TTLL5: variants seen among roughly 807,000 people sequenced by gnomAD.
TTLL5 encodes the protein tubulin tyrosine ligase like 5, also known as tubulin polyglutamylase TTLL5.
In TTLL5, 132 loss-of-function variants were observed where a neutral mutation model predicts 168.4. The ratio of observed to expected loss-of-function variants is 0.78; its 90% CI spans 0.68 to 0.91. TTLL5 has a LOEUF of 0.91. TTLL5 is among the 40% of genes least tolerant of loss of function. The probability of loss-of-function intolerance (pLI) is 0.00; values close to 1 mark genes in which losing one functional copy is unlikely to be tolerated. For synonymous variants in TTLL5, 546 were observed against 558.6 expected, an observed-to-expected ratio of 0.98 and a Z score of 0.32; for missense variants, 1,545 against 1,581.5, an observed-to-expected ratio of 0.98 and a Z score of 0.39.
At chr14:75,873,407 C>T (rs1285284878) in intron 29 of TTLL5, among the ~76,000 whole-genome samples, 5 of 152,146 alleles carry the variant, frequency 3.3e-5, no homozygotes, top group African/African-American at 7.2e-5. Flanking sequence ...TGACTGAAAC[C>T]GTACTCATTG....
chr14:75,682,743 ATTTTGAGGAAGTT>A (rs1884718779), intron 4 of TTLL5, among the ~76,000 whole-genome samples: 1 of 151,422 alleles, frequency 6.6e-6, no homozygotes, highest in Admixed American at 6.6e-5. Flanking sequence ...TGTAAGAGAC[ATTTTGAGGAAGTT>A]TTTTTTTTTT....
intron 18 of TTLL5, among the ~76,000 whole-genome samples, chr14:75,762,440 A>G (rs908602708): frequency 1.3e-5 from 2 of 152,226 alleles, no homozygotes; most frequent in African/African-American, 4.8e-5. Context: ...AATGAAAAAG[A>G]TGTAGCTAAA....
intron 21 of TTLL5, among the ~76,000 whole-genome samples, chr14:75,772,202 A>G (rs190688365): frequency 2.4e-4 from 37 of 152,232 alleles, no homozygotes; most frequent in African/African-American, 8.2e-4. Context: ...TTCTCAAGCA[A>G]CCTCACATTA....
chr14:75,946,382 C>T (rs2034773118), intron 31 of TTLL5, among the ~76,000 whole-genome samples: 2 of 152,022 alleles, frequency 1.3e-5, no homozygotes, highest in Admixed American at 6.5e-5. Flanking sequence ...AAATAGAAAA[C>T]TTCCAAAGTA....
At chr14:75,745,361 T>A in intron 16 of TTLL5, 129 bp from the exon 17 acceptor site, 1 of 1,199,772 alleles carries the variant, frequency 8.3e-7, no homozygotes, top group Non-Finnish European at 1.2e-6. Context: ...AAGAACATTT[T>A]AAATGGAATT....
At chr14:75,912,909 G>A (rs1166294163) in intron 31 of TTLL5, among the ~76,000 whole-genome samples, 1 of 152,134 alleles carries the variant, frequency 6.6e-6, no homozygotes, top group Admixed American at 6.5e-5. Context: ...GTTTTGTGAG[G>A]GGACAAAAGG....
chr14:75,781,539 A>G (rs1025917118), intron 24 of TTLL5, among the ~76,000 whole-genome samples: 1 of 152,232 alleles, frequency 6.6e-6, no homozygotes, highest in African/African-American at 2.4e-5. Context: ...ATATTTTTAT[A>G]TATGATTAGC....
chr14:75,719,603 A>C (rs781265768), intron 10 of TTLL5, 132 bp from the exon 11 acceptor site: 1 of 649,402 alleles, frequency 1.5e-6, no homozygotes, highest in Non-Finnish European at 2.5e-6. Context: ...AGAAAAAATG[A>C]GTAACTGGAA....
At chr14:75,872,608 A>G (rs1383881515) in intron 29 of TTLL5, among the ~76,000 whole-genome samples, 1 of 152,156 alleles carries the variant, frequency 6.6e-6, no homozygotes, top group Non-Finnish European at 1.5e-5. Context: ...TGCCTGACCC[A>G]TGATAAAAGG....
chr14:75,952,077 T>C (rs1325634590), intron 31 of TTLL5, among the ~76,000 whole-genome samples: 1 of 152,088 alleles, frequency 6.6e-6, no homozygotes, highest in Non-Finnish European at 1.5e-5. Context: ...ACAGAGCGCT[T>C]ACAATTCAAT....
At chr14:75,740,826 T>A (rs1346822264) in intron 15 of TTLL5, among the ~76,000 whole-genome samples, 4 of 152,220 alleles carry the variant, frequency 2.6e-5, no homozygotes, top group Non-Finnish European at 5.9e-5. Flanking sequence ...TAAATTGAGC[T>A]ATTTCTAGTT....
intron 28 of TTLL5, among the ~76,000 whole-genome samples, chr14:75,843,768 A>C (rs185151760): frequency 3.5e-4 from 54 of 152,256 alleles, no homozygotes; most frequent in Middle Eastern, 6.8e-3. Context: ...TGTGGCATAC[A>C]ACTGAAATGG....
At chr14:75,693,899 A>T (rs1332654165) in intron 6 of TTLL5, among the ~76,000 whole-genome samples, 4 of 152,252 alleles carry the variant, frequency 2.6e-5, no homozygotes, top group African/African-American at 7.2e-5. Context: ...TTAGAATTAT[A>T]AGAGATCTTA....
At chr14:75,755,895 C>T (rs1357606093) in intron 18 of TTLL5, among the ~76,000 whole-genome samples, 1 of 152,040 alleles carries the variant, frequency 6.6e-6, no homozygotes, top group Non-Finnish European at 1.5e-5. Flanking sequence ...CCCGACCTAC[C>T]CACTCTGTTC....
chr14:75,663,791 G>C (rs1883052756), intron 2 of TTLL5, among the ~76,000 whole-genome samples: 1 of 152,078 alleles, frequency 6.6e-6, no homozygotes. Flanking sequence ...ATCACAATAA[G>C]AATGAATAAT....
At chr14:75,829,901 C>T (rs117849909) in intron 28 of TTLL5, among the ~76,000 whole-genome samples, 41 of 152,132 alleles carry the variant, frequency 2.7e-4, no homozygotes, top group Non-Finnish European at 3.2e-4. Context: ...CTGGCATATC[C>T]GTAAAGGAGA....
chr14:75,836,801 C>G (rs1595124933), intron 28 of TTLL5, among the ~76,000 whole-genome samples: 1 of 152,290 alleles, frequency 6.6e-6, no homozygotes, highest in South Asian at 2.1e-4. Flanking sequence ...GTTGAAGCCT[C>G]TTTCCCAAGA....
At chr14:75,731,100 T>A (rs912136485) in intron 12 of TTLL5, among the ~76,000 whole-genome samples, 3 of 151,964 alleles carry the variant, frequency 2.0e-5, no homozygotes, top group Admixed American at 2.0e-4. Flanking sequence ...CTTTTTAGAG[T>A]CTATTTTTTT....
intron 25 of TTLL5, among the ~76,000 whole-genome samples, chr14:75,782,841 G>A (rs1254916456): frequency 1.3e-5 from 2 of 152,180 alleles, no homozygotes; most frequent in African/African-American, 4.8e-5. Context: ...ATTAGCTGTT[G>A]CTAGTGGAGA....
Sources: gnomAD v4.1 joint callset for allele counts (sites outside exome capture counted in the v4.1 genomes callset) on GRCh38, gnomAD v4.1.1 for gene constraint, MANE v1.5 for transcripts, NCBI Gene and HGNC (gene_info 2026-07-23, HGNC 2026-07-21) for gene names.